The following IQGAP2 variants were observed in gnomAD, a reference collection of about 807,000 sequenced individuals.
The protein encoded by IQGAP2 is ras GTPase-activating-like protein IQGAP2.
Under a neutral mutation model 201.3 loss-of-function variants are expected in IQGAP2, and 173 were observed. The ratio of observed to expected loss-of-function variants is 0.86; its 90% CI spans 0.76 to 0.98. The LOEUF is 0.98. Ranked by LOEUF, IQGAP2 falls within the 50% of genes least tolerant of loss-of-function variation. The probability of loss-of-function intolerance (pLI) is 0.00; values close to 1 mark genes in which losing one functional copy is unlikely to be tolerated. For missense variants in IQGAP2, 1,687 were observed against 1,864.8 expected (o/e 0.90, Z 1.76); for synonymous variants, 675 against 673.9 (o/e 1.00, Z -0.03).
intron 22 of IQGAP2, among the ~76,000 whole-genome samples, chr5:76,668,106 C>T (rs1743956661): frequency 6.6e-6 from 1 of 151,992 alleles, no homozygotes; most frequent in Non-Finnish European, 1.5e-5. Flanking sequence ...TTGTCTCGAA[C>T]TCCTGGGCTC....
At chr5:76,429,604 T>A (rs1196243784) in intron 1 of IQGAP2, among the ~76,000 whole-genome samples, 93 of 136,662 alleles carry the variant, frequency 6.8e-4, no homozygotes, top group Non-Finnish European at 1.1e-3. Flanking sequence ...ATATGTATAT[T>A]TATATATATA....
intron 2 of IQGAP2, among the ~76,000 whole-genome samples, chr5:76,470,735 G>GA (rs1229122161): frequency 3.3e-5 from 5 of 151,954 alleles, no homozygotes; most frequent in African/African-American, 9.7e-5. Flanking sequence ...TTTTAATTGG[G>GA]AGCTGTTTTA....
At chr5:76,438,076 G>T (rs1285057215) in intron 1 of IQGAP2, among the ~76,000 whole-genome samples, 2 of 109,806 alleles carry the variant, frequency 1.8e-5, no homozygotes, top group African/African-American at 6.5e-5. Flanking sequence ...TTCTGGCTTT[G>T]GTATCAGGGT....
chr5:76,636,487 C>A (rs1751137043), intron 15 of IQGAP2, among the ~76,000 whole-genome samples: 1 of 152,158 alleles, frequency 6.6e-6, no homozygotes, highest in Non-Finnish European at 1.5e-5. Flanking sequence ...CAGGAATTTT[C>A]TTTTTCCCCA....
intron 14 of IQGAP2, chr5:76,628,814 G>GC: frequency 2.3e-6 from 1 of 426,078 alleles, no homozygotes; most frequent in Non-Finnish European, 4.6e-6. Context: ...TTCCTTTCTA[G>GC]CACGCCTTAA....
intron 1 of IQGAP2, among the ~76,000 whole-genome samples, chr5:76,414,917 T>G (rs571845815): frequency 4.0e-4 from 61 of 152,318 alleles, no homozygotes; most frequent in South Asian, 3.3e-3. Context: ...AAGTGGAGCT[T>G]ATAATGTGCT....
At chr5:76,593,007 A>C in intron 9 of IQGAP2, 82 bp downstream of exon 9, 1 of 948,150 alleles carries the variant, frequency 1.1e-6, no homozygotes, top group Non-Finnish European at 1.7e-6. Context: ...ACAACTCTCA[A>C]TTTGTATACT....
chr5:76,630,718 A>G (rs201622648), intron 14 of IQGAP2, among the ~76,000 whole-genome samples: 2 of 149,226 alleles, frequency 1.3e-5, no homozygotes, highest in African/African-American at 5.0e-5. Context: ...CAGTACTCTT[A>G]TTTTCTCTAT....
At chr5:76,478,443 A>G (rs953544480) in intron 2 of IQGAP2, among the ~76,000 whole-genome samples, 7 of 152,202 alleles carry the variant, frequency 4.6e-5, no homozygotes, top group Non-Finnish European at 8.8e-5. Context: ...CGATGTTTAT[A>G]AAGTCTACAG....
In IQGAP2 at chr5:76,438,333, G is replaced by C. The variant is rs538943164; in HGVS notation, c.47-23237G>C. On this transcript the variant is annotated intron_variant, in intron 1 of 35. Coordinates refer to ENST00000274364, the MANE Select transcript of IQGAP2 (RefSeq NM_006633.5). ...AGCTAGGAAGGTTGTATGTTTCCAG[G>C]AATTCATCCATTTCCTCTAGATTTT... Among the ~76,000 whole-genome samples the C allele has an allele frequency of 9.2e-5, 14 of 152,190 alleles. 1 individual carries two copies. In the East Asian group the frequency reaches 2.7e-3, roughly 29 times the overall value.
chr5:76,560,688 C>A (rs1744305339), intron 2 of IQGAP2, among the ~76,000 whole-genome samples: 1 of 152,204 alleles, frequency 6.6e-6, no homozygotes, highest in Non-Finnish European at 1.5e-5. Flanking sequence ...CATTGCACAT[C>A]ATAGCCTCTC....
chr5:76,533,036 G>C (rs1211346146), intron 2 of IQGAP2, among the ~76,000 whole-genome samples: 1 of 152,370 alleles, frequency 6.6e-6, no homozygotes, highest in South Asian at 2.1e-4. Flanking sequence ...AATGGGAAGA[G>C]GGTGCTGAAT....
chr5:76,443,599 T>C (rs1283534359), intron 1 of IQGAP2, among the ~76,000 whole-genome samples: 3 of 152,114 alleles, frequency 2.0e-5, no homozygotes, highest in Non-Finnish European at 4.4e-5. Flanking sequence ...TTTCCAGCTC[T>C]CTGAGCTGTT....
At chr5:76,544,567 G>T (rs1742978884) in intron 2 of IQGAP2, among the ~76,000 whole-genome samples, 1 of 152,232 alleles carries the variant, frequency 6.6e-6, no homozygotes, top group Non-Finnish European at 1.5e-5. Flanking sequence ...ACACCAGGAT[G>T]CAGCTTAGAG....
chr5:76,631,778 A>C, intron 14 of IQGAP2, 81 bp from the exon 15 acceptor site: 7 of 1,070,542 alleles, frequency 6.5e-6, no homozygotes, highest in Non-Finnish European at 7.9e-6. Flanking sequence ...TGCATTCCTA[A>C]AACGTTGAAT....
At position 76,626,270 on chromosome 5, in the gene IQGAP2, C is replaced by CTTTTTTTTTT. The variant is rs34251090; in HGVS notation, c.1522-1130_1522-1121dup. On this transcript the variant is annotated intron_variant, in intron 13 of 35. Coordinates refer to ENST00000274364, the MANE Select transcript of IQGAP2 (RefSeq NM_006633.5). ...TTCTTTTTCTTTTTTTTCTTCTTTT[C>CTTTTTTTTTT]TTTTTTTTTTTTTTTTTTTGTGAGA... is the stretch of plus-strand genomic sequence containing the variant. Among the ~76,000 whole-genome samples the CTTTTTTTTTT allele has an allele frequency of 1.2e-3, 100 of 83,656 alleles. 1 individual carries two copies. The highest frequency in any genetic ancestry group is 1.7e-3 in the African/African-American group (34 of 20,156). The allele number at this position is 83,656 out of a possible 152,430, so 54.9% of individuals were successfully genotyped here. A position where few individuals can be genotyped will look rare whatever the true frequency, so the allele number is the denominator to read the frequency against.
At chr5:76,607,792 C>T (rs1424198109) in intron 12 of IQGAP2, 1 of 152,282 alleles carries the variant, frequency 6.6e-6, no homozygotes, top group Non-Finnish European at 1.5e-5. Flanking sequence ...CTCTGAATCT[C>T]CTTTAGCAGT....
intron 1 of IQGAP2, among the ~76,000 whole-genome samples, chr5:76,438,044 T>TTTTTTTTTTTTTA (rs1752818816): frequency 6.9e-6 from 1 of 145,058 alleles, no homozygotes; most frequent in Non-Finnish European, 1.5e-5. Flanking sequence ...TGTTTTTTTT[T>TTTTTTTTTTTTTA]TTGTTTTTTT....
chr5:76,425,156 C>T (rs909464216), intron 1 of IQGAP2, among the ~76,000 whole-genome samples: 1 of 152,208 alleles, frequency 6.6e-6, no homozygotes, highest in African/African-American at 2.4e-5. Context: ...TCCCTGCATT[C>T]GCTTAATCCA....
Sources: gnomAD v4.1 joint callset for allele counts (sites outside exome capture counted in the v4.1 genomes callset) on GRCh38, gnomAD v4.1.1 for gene constraint, MANE v1.5 for transcripts, NCBI Gene and HGNC (gene_info 2026-07-23, HGNC 2026-07-21) for gene names.